The following SHISA6 variants were observed in gnomAD, a reference collection of about 807,000 sequenced individuals.
SHISA6 encodes shisa family member 6, also known as protein shisa-6.
Under a neutral mutation model 47.9 loss-of-function variants are expected in SHISA6, and 22 were observed. The ratio of observed to expected loss-of-function variants is 0.46; its 90% CI spans 0.33 to 0.66. The LOEUF is 0.66. Ranked by LOEUF, SHISA6 falls within the 30% of genes least tolerant of loss-of-function variation. SHISA6 has a pLI of 0.02. For missense variants in SHISA6, 680 were observed against 764.6 expected, an observed-to-expected ratio of 0.89 and a Z score of 1.30; for synonymous variants, 388 against 337.8, an observed-to-expected ratio of 1.15 and a Z score of -1.63.
At chr17:11,441,144 C>T (rs879474056) in intron 3 of SHISA6, among the ~76,000 whole-genome samples, 3 of 152,218 alleles carry the variant, frequency 2.0e-5, no homozygotes, top group Non-Finnish European at 4.4e-5. Context: ...TCAAGCCCTT[C>T]TCAGTTCTTC....
intron 3 of SHISA6, among the ~76,000 whole-genome samples, chr17:11,454,656 C>T (rs984994511): frequency 3.9e-5 from 6 of 152,254 alleles, no homozygotes; most frequent in Non-Finnish European, 5.9e-5. Flanking sequence ...GTGCTCCAGG[C>T]GTGTGGCTCC....
chr17:11,372,206 A>G (rs1391942373), intron 2 of SHISA6, among the ~76,000 whole-genome samples: 1 of 152,200 alleles, frequency 6.6e-6, no homozygotes, highest in African/African-American at 2.4e-5. Flanking sequence ...CCTCACTGGC[A>G]GAAACTATTT....
intron 3 of SHISA6, among the ~76,000 whole-genome samples, chr17:11,399,088 A>G (rs1292760125): frequency 1.3e-5 from 2 of 151,998 alleles, no homozygotes; most frequent in African/African-American, 4.8e-5. Context: ...TTTTCCAGTT[A>G]TGCTAAAGAC....
chr17:11,277,389 A>C (rs1597436043), intron 2 of SHISA6, among the ~76,000 whole-genome samples: 1 of 151,778 alleles, frequency 6.6e-6, no homozygotes, highest in Non-Finnish European at 1.5e-5. Context: ...GGCATATCTC[A>C]TCAGAATGAT....
chr17:11,491,687 T>C (rs2142338531), intron 3 of SHISA6, among the ~76,000 whole-genome samples: 1 of 151,870 alleles, frequency 6.6e-6, no homozygotes, highest in African/African-American at 2.4e-5. Flanking sequence ...ATTGAGGCCA[T>C]ATGCATAGGG....
intron 3 of SHISA6, among the ~76,000 whole-genome samples, chr17:11,467,747 C>A (rs1915846952): frequency 6.6e-6 from 1 of 152,162 alleles, no homozygotes; most frequent in Non-Finnish European, 1.5e-5. Flanking sequence ...AAAACAATAT[C>A]CCTGTTCTGA....
intron 3 of SHISA6, among the ~76,000 whole-genome samples, chr17:11,495,072 C>T (rs1029111579): frequency 1.3e-5 from 2 of 152,116 alleles, no homozygotes; most frequent in African/African-American, 4.8e-5. Context: ...CAGGAAAGGC[C>T]TGAGCAAGGT....
intron 2 of SHISA6, among the ~76,000 whole-genome samples, chr17:11,273,855 G>A (rs150988030): frequency 1.3e-5 from 2 of 152,312 alleles, no homozygotes; most frequent in African/African-American, 4.8e-5. Flanking sequence ...CAGAGCCCAG[G>A]CGAAACTTAT....
chr17:11,482,652 A>G (rs1349634967), intron 3 of SHISA6, among the ~76,000 whole-genome samples: 2 of 152,234 alleles, frequency 1.3e-5, no homozygotes, highest in African/African-American at 2.4e-5. Flanking sequence ...TGTAGTTATG[A>G]AATGGAATGC....
At chr17:11,459,566 G>C (rs1915646488) in intron 3 of SHISA6, among the ~76,000 whole-genome samples, 1 of 152,158 alleles carries the variant, frequency 6.6e-6, no homozygotes, top group African/African-American at 2.4e-5. Context: ...ACCTCTTTCT[G>C]CCTGGATCCA....
At chr17:11,300,149 C>CAAAAAAAAAAAAAAAAAAAAAAAAAAAAA (rs56060137) in intron 2 of SHISA6, among the ~76,000 whole-genome samples, 1 of 129,162 alleles carries the variant, frequency 7.7e-6, no homozygotes, top group Non-Finnish European at 1.6e-5. Flanking sequence ...CATCTTAAAA[C>CAAAAAAAAAAAAAAAAAAAAAAAAAAAAA]AAAAAAAAAA....
intron 2 of SHISA6, among the ~76,000 whole-genome samples, chr17:11,374,488 T>C (rs1375101586): frequency 6.6e-6 from 1 of 152,016 alleles, no homozygotes; most frequent in Non-Finnish European, 1.5e-5. Context: ...TTTAGCTTCT[T>C]AGTCCTTGAC....
At chr17:11,380,170 ACAT>A in intron 3 of SHISA6, 1 of 152,320 alleles carries the variant, frequency 6.6e-6, no homozygotes, top group East Asian at 1.9e-4. Context: ...GCATTCTGTC[ACAT>A]CAAGAGTCAC....
intron 3 of SHISA6, chr17:11,379,808 C>T (rs979011690): frequency 4.3e-5 from 13 of 301,426 alleles, no homozygotes; most frequent in East Asian, 2.1e-4. Flanking sequence ...GGAAAACTGC[C>T]GGTGGATGTA....
At chr17:11,520,418 A>T (rs2071620168) in intron 3 of SHISA6, among the ~76,000 whole-genome samples, 1 of 152,142 alleles carries the variant, frequency 6.6e-6, no homozygotes, top group Non-Finnish European at 1.5e-5. Flanking sequence ...TTTTCTGCAC[A>T]TCCACTCTGT....
chr17:11,347,891 T>A (rs981162947), intron 2 of SHISA6, among the ~76,000 whole-genome samples: 1 of 152,222 alleles, frequency 6.6e-6, no homozygotes, highest in Admixed American at 6.5e-5. Flanking sequence ...TAACCCACTC[T>A]GCTTCTCTTT....
intron 2 of SHISA6, among the ~76,000 whole-genome samples, chr17:11,333,408 C>A (rs1350372177): frequency 6.6e-6 from 1 of 152,158 alleles, no homozygotes; most frequent in East Asian, 1.9e-4. Context: ...CTTTTACCAC[C>A]CCCTGCAGCC....
chr17:11,349,390 G>T (rs1298844457), intron 2 of SHISA6, among the ~76,000 whole-genome samples: 1 of 152,140 alleles, frequency 6.6e-6, no homozygotes, highest in African/African-American at 2.4e-5. Flanking sequence ...TTTCAGAGTT[G>T]GTTTGGGAGT....
At chr17:11,327,483 G>GT (rs1910937082) in intron 2 of SHISA6, among the ~76,000 whole-genome samples, 1 of 152,162 alleles carries the variant, frequency 6.6e-6, no homozygotes. Flanking sequence ...TACTTTATTG[G>GT]TAAAATCTTT....
Sources: gnomAD v4.1 joint callset for allele counts (sites outside exome capture counted in the v4.1 genomes callset) on GRCh38, gnomAD v4.1.1 for gene constraint, MANE v1.5 for transcripts, NCBI Gene and HGNC (gene_info 2026-07-23, HGNC 2026-07-21) for gene names.